The following MAEA variants were observed in gnomAD, a reference collection of about 807,000 sequenced individuals.
MAEA encodes the protein E3 ubiquitin-protein transferase MAEA.
A neutral mutation model predicts 46.2 loss-of-function variants in MAEA; 22 were observed. The ratio of observed to expected loss-of-function variants is 0.48; its 90% CI spans 0.34 to 0.68. MAEA has a LOEUF of 0.68. Among genes scored for constraint, MAEA ranks in the 30% least tolerant of loss-of-function variants. The pLI, the probability that MAEA is intolerant of heterozygous loss-of-function variation, is 0.01. For synonymous variants in MAEA, 246 were observed against 222.6 expected (o/e 1.11, Z -0.94); for missense variants, 393 against 558.1 (o/e 0.70, Z 2.98).
Position 1,338,454 on chromosome 4 carries a change from G to A in MAEA, c.932G>A (p.Ser311Asn), listed in dbSNP as rs1490986050. ...QCYKEDGSSK[S>N]PDCPVCSRSL... ...TACAAGGAGGACGGCAGCTCCAAGA[G>A]CCCTGACTGCCCTGTGTGCAGCCGC... is the stretch of plus-strand genomic sequence containing the variant. Residue 311 changes from serine to asparagine, a missense_variant, in exon 8 of 9, where the codon AGC becomes AAC. Physicochemically the swap from Ser to Asn is conservative, Grantham distance 46. Around this residue, in one of 2 missense-constraint regions of MAEA, gnomAD observed 358 missense variants for 537.9 expected, o/e 0.67. Coordinates refer to ENST00000303400, the MANE Select transcript of MAEA (RefSeq NM_001017405.3). 1 of 1,612,972 alleles carries A rather than the reference G, an allele frequency of 6.2e-7. No individual in the cohort carries two copies. The highest frequency in any genetic ancestry group is 1.7e-5 in the Admixed American group (1 of 60,018).
intron 4 of MAEA, among the ~76,000 whole-genome samples, chr4:1,323,258 T>A (rs1738382847): frequency 6.6e-6 from 1 of 152,144 alleles, no homozygotes; most frequent in South Asian, 2.1e-4. Flanking sequence ...TACCGACTTT[T>A]GTAGAGACCA....
rs1337493275 is a variant in MAEA at position 1,291,763 on chromosome 4, AG to A, written c.69+1783del. 3.3e-5 allele frequency among the ~76,000 whole-genome samples: 5 copies of A among 152,366 alleles called. No homozygotes were observed. In the East Asian group the frequency reaches 9.6e-4, roughly 29 times the overall value. ...AGGTCTCCGGAAAGGATTCTTCTTC[AG>A]GTCTTCTGCTGTTTTGTAATCGTGA... On this transcript the variant is annotated intron_variant, in intron 1 of 8. Coordinates refer to ENST00000303400, the MANE Select transcript of MAEA (RefSeq NM_001017405.3).
At position 1,340,024 on chromosome 4, in the gene MAEA, CAG is replaced by C. The variant is rs1577255133; in HGVS notation, c.*859_*860del. ...AAAACAAATGAACCACCGTAGCTGA[CAG>C]AGAACCGTATCGTAGAGGTTTGTAG... On this transcript the variant is annotated 3_prime_UTR_variant, in exon 9 of 9. Coordinates refer to ENST00000303400, the MANE Select transcript of MAEA (RefSeq NM_001017405.3). The C allele has an allele frequency of 6.5e-6, 1 of 152,698 alleles. No individual in the cohort carries two copies. Among genetic ancestry groups the C allele is most frequent in the South Asian group, 2.1e-4 (1 of 4,838 alleles). 9.5% of individuals were successfully genotyped at this position (152,698 alleles called of 1,614,324 possible). A position where few individuals can be genotyped will look rare whatever the true frequency, so the allele number is the denominator to read the frequency against.
At chr4:1,333,304 G>C (rs1712090425) in intron 6 of MAEA, among the ~76,000 whole-genome samples, 1 of 151,780 alleles carries the variant, frequency 6.6e-6, no homozygotes, top group Non-Finnish European at 1.5e-5. Flanking sequence ...TTGTGCCACT[G>C]CACTCCAGCT....
intron 4 of MAEA, chr4:1,323,682 G>A: frequency 2.9e-6 from 2 of 694,122 alleles, no homozygotes; most frequent in East Asian, 2.7e-5. Context: ...ACACCTCACA[G>A]TGGGAACTCT....
intron 3 of MAEA, among the ~76,000 whole-genome samples, chr4:1,318,847 G>A (rs1462017485): frequency 6.6e-6 from 1 of 152,172 alleles, no homozygotes; most frequent in African/African-American, 2.4e-5. Flanking sequence ...GACAAACTTA[G>A]GAAAATAACC....
At chr4:1,304,589 C>T (rs562615504) in intron 1 of MAEA, among the ~76,000 whole-genome samples, 5 of 152,172 alleles carry the variant, frequency 3.3e-5, no homozygotes, top group Non-Finnish European at 5.9e-5. Context: ...TACAGGCACC[C>T]GCCACCACGC....
chr4:1,311,890 C>A lies in MAEA; in HGVS notation c.70-89C>A. ...TCTGAGACTTCTGCCTCTACAAGTG[C>A]CATGAGGAGACCTGGTGTGTCCTGG... On this transcript the variant is annotated intron_variant, in intron 1 of 8. Coordinates refer to ENST00000303400, the MANE Select transcript of MAEA (RefSeq NM_001017405.3). This position sits in a 1 kb window ranked among gnomAD's most constrained non-coding sequence, Gnocchi z 4.4. 8.5e-7 allele frequency: 1 copy of A among 1,172,008 alleles called. No individual in the cohort carries two copies. The allele number at this position is 1,172,008 out of a possible 1,614,324, so 72.6% of individuals were successfully genotyped here.
At chr4:1,310,049 T>G in intron 1 of MAEA, 12 of 1,135,874 alleles carry the variant, frequency 1.1e-5, no homozygotes, top group Non-Finnish European at 1.3e-5. Flanking sequence ...GTTGTGCCGC[T>G]TTGTCTAATG....
At chr4:1,298,719 C>T (rs1005886272) in intron 1 of MAEA, among the ~76,000 whole-genome samples, 19 of 152,248 alleles carry the variant, frequency 1.2e-4, no homozygotes, top group East Asian at 7.7e-4. Flanking sequence ...CTGTGAGCAC[C>T]GCTGCCTTGG....
chr4:1,308,117 A>G (rs1313737542), intron 1 of MAEA, among the ~76,000 whole-genome samples: 9 of 151,578 alleles, frequency 5.9e-5, no homozygotes, highest in African/African-American at 2.2e-4. Flanking sequence ...TGGCTGCTGC[A>G]CGCCCGCACC....
chr4:1,302,120 G>A (rs1735376653), intron 1 of MAEA, among the ~76,000 whole-genome samples: 1 of 152,126 alleles, frequency 6.6e-6, no homozygotes, highest in Non-Finnish European at 1.5e-5. Flanking sequence ...AGAAAACTAA[G>A]AAAATCTAAG....
At chr4:1,323,483 A>AC in intron 4 of MAEA, 1 of 702,554 alleles carries the variant, frequency 1.4e-6, no homozygotes, top group South Asian at 1.5e-5. Flanking sequence ...GGAGTGACAC[A>AC]CTGCCACTCA....
intron 3 of MAEA, among the ~76,000 whole-genome samples, chr4:1,318,925 C>T (rs913803643): frequency 8.0e-6 from 1 of 125,278 alleles, no homozygotes; most frequent in African/African-American, 3.3e-5. Context: ...GGGAAGGCCA[C>T]CCAGGAACAG....
intron 3 of MAEA, among the ~76,000 whole-genome samples, chr4:1,319,814 G>A (rs1013310618): frequency 4.5e-4 from 69 of 151,792 alleles, no homozygotes; most frequent in Non-Finnish European, 2.1e-4. Context: ...CGCCTGCCCT[G>A]AAGGGGCTTC....
chr4:1,316,643 G>A (rs1560356107), intron 3 of MAEA, among the ~76,000 whole-genome samples: 1 of 152,068 alleles, frequency 6.6e-6, no homozygotes, highest in Non-Finnish European at 1.5e-5. Flanking sequence ...TCTAACCAGG[G>A]GTCTTCTCTC....
chr4:1,325,622 G>A (rs1366291560), intron 4 of MAEA, among the ~76,000 whole-genome samples: 1 of 152,194 alleles, frequency 6.6e-6, no homozygotes, highest in Non-Finnish European at 1.5e-5. Context: ...CAGAGCCCCG[G>A]CACTCGCCTG....
intron 1 of MAEA, among the ~76,000 whole-genome samples, chr4:1,303,232 C>CAAAAAAAAAAAAA (rs71168823): frequency 3.4e-4 from 22 of 65,534 alleles, no homozygotes; most frequent in South Asian, 6.2e-4. Flanking sequence ...ACTAAAAATA[C>CAAAAAAAAAAAAA]AAAAAAAAAA....
rs1446664542 is a variant in MAEA at position 1,339,367 on chromosome 4, A to G, written c.*198A>G. On this transcript the variant is annotated 3_prime_UTR_variant, in exon 9 of 9. Transcript: ENST00000303400. ...TGTACTTGAAAACATTTGGATTGGT[A>G]GGATTTTGTAACACGTCAACCATTT... 1 of 577,768 alleles carries G rather than the reference A, an allele frequency of 1.7e-6. No individual in the cohort carries two copies. Among genetic ancestry groups the G allele is most frequent in the Non-Finnish European group, 3.1e-6 (1 of 325,760 alleles). The allele number at this position is 577,768 out of a possible 1,614,324, so 35.8% of individuals were successfully genotyped here.
Sources: gnomAD v4.1 joint callset for allele counts (sites outside exome capture counted in the v4.1 genomes callset) on GRCh38, gnomAD v4.1.1 for gene constraint, gnomAD v4.1.1 regional missense constraint, Gnocchi (gnomAD v3.1) non-coding constraint, MANE v1.5 for transcripts, NCBI Gene and HGNC (gene_info 2026-07-23, HGNC 2026-07-21) for gene names.